The following SUCLG2 variants were observed in gnomAD, a reference collection of about 807,000 sequenced individuals.
The protein encoded by SUCLG2 is succinate-CoA ligase GDP-forming subunit beta.
SUCLG2 carries 42 observed loss-of-function variants against 47.9 expected under a neutral mutation model. That is an observed-to-expected ratio of 0.88 (90% CI 0.69 to 1.14). The LOEUF is 1.14. Among genes scored for constraint, SUCLG2 ranks in the 50% most tolerant of loss-of-function variants. SUCLG2 has a pLI of 0.00. For synonymous variants in SUCLG2, 195 were observed against 197.3 expected, an observed-to-expected ratio of 0.99 and a Z score of 0.10; for missense variants, 571 against 525.9, an observed-to-expected ratio of 1.09 and a Z score of -0.84.
At chr3:67,602,811 C>G (rs963998807) in intron 2 of SUCLG2, among the ~76,000 whole-genome samples, 1 of 152,188 alleles carries the variant, frequency 6.6e-6, no homozygotes, top group African/African-American at 2.4e-5. Flanking sequence ...GAGAAGCACT[C>G]TATCTGCATG....
chr3:67,510,528 A>G (rs1268432551), intron 6 of SUCLG2, among the ~76,000 whole-genome samples: 1 of 152,170 alleles, frequency 6.6e-6, no homozygotes, highest in African/African-American at 2.4e-5. Flanking sequence ...TATGAGAGAC[A>G]GTCTATGCCT....
At chr3:67,513,708 G>T (rs1705858560) in intron 6 of SUCLG2, among the ~76,000 whole-genome samples, 1 of 152,132 alleles carries the variant, frequency 6.6e-6, no homozygotes, top group Admixed American at 6.5e-5. Flanking sequence ...GCTTACTACT[G>T]CCATCTATTT....
At chr3:67,426,975 A>G (rs1394097214) in intron 9 of SUCLG2, among the ~76,000 whole-genome samples, 2 of 152,160 alleles carry the variant, frequency 1.3e-5, no homozygotes, top group Non-Finnish European at 2.9e-5. Context: ...TCCTTTGCCT[A>G]CTTTAAACAC....
chr3:67,550,390 G>A (rs547713096), intron 2 of SUCLG2, among the ~76,000 whole-genome samples: 8 of 152,066 alleles, frequency 5.3e-5, no homozygotes, highest in African/African-American at 1.9e-4. Flanking sequence ...CCCAGGCTGG[G>A]GTACAGTGAA....
intron 9 of SUCLG2, among the ~76,000 whole-genome samples, chr3:67,401,054 C>CACA (rs1702673696): frequency 2.0e-5 from 3 of 152,008 alleles, no homozygotes; most frequent in Non-Finnish European, 4.4e-5. Flanking sequence ...CACAATATAA[C>CACA]ATTACCAAAT....
chr3:67,366,237 G>C (rs370635599), intron 10 of SUCLG2, among the ~76,000 whole-genome samples: 1 of 152,082 alleles, frequency 6.6e-6, no homozygotes, highest in Non-Finnish European at 1.5e-5. Flanking sequence ...TGAGGCAGGC[G>C]GATCATGAGG....
chr3:67,372,165 A>G (rs999289781), downstream of SUCLG2, among the ~76,000 whole-genome samples: 1 of 152,202 alleles, frequency 6.6e-6, no homozygotes, highest in East Asian at 1.9e-4. Flanking sequence ...ATGGATGACT[A>G]TATGTTGGAC....
chr3:67,547,346 G>A (rs539869379), intron 2 of SUCLG2, among the ~76,000 whole-genome samples: 2 of 152,270 alleles, frequency 1.3e-5, no homozygotes, highest in South Asian at 2.1e-4. Flanking sequence ...ATTTCCTTAC[G>A]GCAGCCAGAA....
intron 2 of SUCLG2, among the ~76,000 whole-genome samples, chr3:67,564,578 T>C (rs1707402602): frequency 6.6e-6 from 1 of 152,288 alleles, no homozygotes. Flanking sequence ...TTTCAGATTC[T>C]ATACAAAACA....
chr3:67,433,534 G>A (rs1197373933), intron 9 of SUCLG2, among the ~76,000 whole-genome samples: 1 of 152,104 alleles, frequency 6.6e-6, no homozygotes, highest in African/African-American at 2.4e-5. Flanking sequence ...TCAAGTGACT[G>A]AGTGACCTTT....
chr3:67,492,200 G>A (rs554712196), intron 9 of SUCLG2, among the ~76,000 whole-genome samples: 81 of 152,176 alleles, frequency 5.3e-4, no homozygotes, highest in Non-Finnish European at 8.7e-4. Context: ...TAGGCCTCCA[G>A]AGAGCAAAAG....
chr3:67,394,535 T>C (rs1435188281), intron 10 of SUCLG2, among the ~76,000 whole-genome samples: 8 of 151,366 alleles, frequency 5.3e-5, no homozygotes, highest in African/African-American at 1.7e-4. Context: ...AAAGATCAAA[T>C]CTACGTCTCA....
At chr3:67,504,788 G>A (rs1299317007) in intron 7 of SUCLG2, among the ~76,000 whole-genome samples, 1 of 152,086 alleles carries the variant, frequency 6.6e-6, no homozygotes, top group Admixed American at 6.5e-5. Flanking sequence ...CTGAAGGTGA[G>A]AAGAAATATG....
intron 9 of SUCLG2, among the ~76,000 whole-genome samples, chr3:67,421,828 T>C (rs1229619367): frequency 1.3e-5 from 2 of 152,216 alleles, no homozygotes; most frequent in Non-Finnish European, 2.9e-5. Flanking sequence ...ATATAAAGAC[T>C]GTCAAGAGAA....
chr3:67,645,080 G>A (rs1701167684), intron 1 of SUCLG2, among the ~76,000 whole-genome samples: 1 of 152,068 alleles, frequency 6.6e-6, no homozygotes, highest in South Asian at 2.1e-4. Flanking sequence ...CTGATATACT[G>A]CCAATATTAA....
chr3:67,514,506 T>G (rs1705887725), intron 6 of SUCLG2, among the ~76,000 whole-genome samples: 1 of 152,246 alleles, frequency 6.6e-6, no homozygotes, highest in African/African-American at 2.4e-5. Context: ...TTAGTGATCT[T>G]GCACTGACTT....
At chr3:67,563,988 AAAAG>A (rs1707385730) in intron 2 of SUCLG2, among the ~76,000 whole-genome samples, 1 of 151,796 alleles carries the variant, frequency 6.6e-6, no homozygotes, top group Non-Finnish European at 1.5e-5. Flanking sequence ...AGAAAAAAGA[AAAAG>A]AAAAGAAGTA....
At chr3:67,567,413 A>G (rs576907330) in intron 2 of SUCLG2, among the ~76,000 whole-genome samples, 17 of 151,726 alleles carry the variant, frequency 1.1e-4, no homozygotes, top group Non-Finnish European at 2.5e-4. Flanking sequence ...CTCCTGTCTC[A>G]GCCTCCCTAG....
At chr3:67,630,474 G>T (rs1700906225) in intron 1 of SUCLG2, among the ~76,000 whole-genome samples, 1 of 152,222 alleles carries the variant, frequency 6.6e-6, no homozygotes, top group South Asian at 2.1e-4. Flanking sequence ...TTATGTGTAG[G>T]ATAAATGATT....
Sources: allele counts gnomAD v4.1 joint callset (sites outside exome capture counted in the v4.1 genomes callset), GRCh38; gene constraint gnomAD v4.1.1; transcripts MANE v1.5; gene names NCBI Gene and HGNC (gene_info 2026-07-23, HGNC 2026-07-21).